The following MORC4 variants were observed in gnomAD, a reference collection of about 807,000 sequenced individuals.
MORC4 encodes MORC family CW-type zinc finger protein 4.
A neutral mutation model predicts 65.5 loss-of-function variants in MORC4; 22 were observed. The observed-to-expected ratio is 0.34, with a 90% confidence interval of 0.24 to 0.48. The LOEUF (loss-of-function observed/expected upper bound fraction) is 0.48. Among genes scored for constraint, MORC4 ranks in the 20% least tolerant of loss-of-function variants. The probability of loss-of-function intolerance (pLI) is 0.99; values close to 1 mark genes in which losing one functional copy is unlikely to be tolerated. For missense variants in MORC4, 624 were observed against 703.0 expected (o/e 0.89, Z 1.27); for synonymous variants, 267 against 255.8 (o/e 1.04, Z -0.42).
At chrX:106,999,559 G>C in intron 2 of MORC4, 118 bp downstream of exon 2, 1 of 616,247 alleles carries the variant, frequency 1.6e-6, no homozygotes. Context: ...CGGTTCCGAG[G>C]CCCCCACCCC....
At chrX:106,972,446 C>T (rs186096352) in intron 9 of MORC4, among the ~76,000 whole-genome samples, 10 of 110,839 alleles carry the variant, frequency 9.0e-5, no homozygotes, top group African/African-American at 3.3e-4. Flanking sequence ...GCACATGTAA[C>T]CCAGAATTTA....
At chrX:106,987,860 C>G (rs1934903026) in intron 3 of MORC4, among the ~76,000 whole-genome samples, 1 of 11,697 alleles carries the variant, frequency 8.5e-5, no homozygotes, top group Non-Finnish European at 1.5e-4. Flanking sequence ...GGCAGCAGTC[C>G]TTTGGGAAAA....
chrX:106,993,720 T>A (rs1319804231), intron 2 of MORC4, among the ~76,000 whole-genome samples: 2 of 112,567 alleles, frequency 1.8e-5, no homozygotes, highest in Non-Finnish European at 3.8e-5. Context: ...CTTTACTGTT[T>A]GTATACACAT....
In MORC4 at chrX:106,943,010, T is replaced by C. The variant is rs771494913; in HGVS notation, c.1881A>G (p.Pro627=). Reference sequence around the variant, plus strand: ...TATTCTTGCTTGCTTCTGGGTATTCTGGGAAAAGGTATGGTGGTGTACTTC... The same window carrying C: ...TATTCTTGCTTGCTTCTGGGTATTCCGGGAAAAGGTATGGTGGTGTACTTC... ...SERSTPPYLF[P]EYPEASKNTG... Residue 627 remains proline, a synonymous_variant, in exon 15 of 17, where the codon CCA becomes CCG. Transcript: ENST00000355610. 1.7e-6 allele frequency: 2 copies of C among 1,211,466 alleles called. No individual in the cohort carries two copies. The highest frequency in any genetic ancestry group is 5.9e-5 in the East Asian group (2 of 33,820).
chrX:106,975,483 T>C, intron 9 of MORC4, among the ~76,000 whole-genome samples: 1 of 111,587 alleles, frequency 9.0e-6, no homozygotes. Flanking sequence ...CAAATAGTTA[T>C]CTCTCTCAAA....
intron 9 of MORC4, among the ~76,000 whole-genome samples, chrX:106,967,997 C>T (rs768979084): frequency 1.8e-5 from 2 of 111,034 alleles, no homozygotes; most frequent in East Asian, 5.7e-4. Context: ...GAAGAGCAAC[C>T]CCAAGACACA....
intron 7 of MORC4, among the ~76,000 whole-genome samples, chrX:106,980,624 T>TA (rs1012301046): frequency 9.0e-5 from 10 of 111,137 alleles, no homozygotes; most frequent in Admixed American, 1.9e-4. Context: ...TTATTTTTTT[T>TA]AAAAAAGGTT....
intron 2 of MORC4, among the ~76,000 whole-genome samples, chrX:106,993,977 T>C (rs761299345): frequency 3.9e-4 from 44 of 112,281 alleles, no homozygotes; most frequent in Non-Finnish European, 8.3e-4. Context: ...CAAGCATACT[T>C]AGAGGGAGTG....
chrX:106,949,065 A>G (rs1469954145), intron 14 of MORC4, among the ~76,000 whole-genome samples: 1 of 111,373 alleles, frequency 9.0e-6, no homozygotes, highest in Non-Finnish European at 1.9e-5. Context: ...GGCGTTCCAC[A>G]TTTCTCTGAA....
intron 15 of MORC4, 33 bp from the exon 16 acceptor site, chrX:106,942,254 C>T (rs1415300137): frequency 1.7e-6 from 2 of 1,174,590 alleles, no homozygotes; most frequent in Non-Finnish European, 2.3e-6. Context: ...TCAATGACCC[C>T]ACAAAAGAGC....
At chrX:106,998,636 C>T (rs1351992843) in intron 2 of MORC4, among the ~76,000 whole-genome samples, 2 of 112,657 alleles carry the variant, frequency 1.8e-5, no homozygotes, top group Non-Finnish European at 1.9e-5. Flanking sequence ...GATACAGTCC[C>T]TCTGCTCTAG....
chrX:106,954,601 T>C (rs6622125), intron 14 of MORC4, among the ~76,000 whole-genome samples: 2 of 112,462 alleles, frequency 1.8e-5, no homozygotes, highest in East Asian at 5.6e-4. Flanking sequence ...ATTTGTGTAG[T>C]ATTTTACACT....
intron 9 of MORC4, among the ~76,000 whole-genome samples, chrX:106,974,884 G>T (rs1248567111): frequency 9.0e-6 from 1 of 111,716 alleles, no homozygotes; most frequent in Non-Finnish European, 1.9e-5. Context: ...AATGGTGCCA[G>T]AATTGGCATG....
At chrX:106,981,970 A>G (rs1934753638) in intron 5 of MORC4, among the ~76,000 whole-genome samples, 1 of 112,178 alleles carries the variant, frequency 8.9e-6, no homozygotes, top group African/African-American at 3.2e-5. Flanking sequence ...AGCAGCATAT[A>G]TTTAACTAGT....
chrX:106,993,161 G>C, intron 3 of MORC4, 69 bp downstream of exon 3: 1 of 1,056,317 alleles, frequency 9.5e-7, no homozygotes, highest in Middle Eastern at 2.8e-4. Context: ...AAATATTAAT[G>C]AAAATTATGA....
chrX:106,997,917 A>T, intron 2 of MORC4, among the ~76,000 whole-genome samples: 1 of 110,127 alleles, frequency 9.1e-6, no homozygotes, highest in South Asian at 3.9e-4. Flanking sequence ...CTTCCTCTGA[A>T]CTCCCACAGC....
At chrX:106,977,657 T>C (rs1442411194) in intron 8 of MORC4, among the ~76,000 whole-genome samples, 2 of 111,521 alleles carry the variant, frequency 1.8e-5, no homozygotes, top group African/African-American at 3.2e-5. Flanking sequence ...AATTAAACAA[T>C]TTATCCAAGG....
chrX:106,947,571 T>TATTATA (rs1555982139), intron 14 of MORC4, among the ~76,000 whole-genome samples: 2 of 77,945 alleles, frequency 2.6e-5, no homozygotes, highest in East Asian at 4.3e-4. Context: ...TATATATATA[T>TATTATA]TATATATATA....
intron 3 of MORC4, among the ~76,000 whole-genome samples, chrX:106,987,647 T>C (rs759665209): frequency 1.8e-5 from 2 of 111,710 alleles, no homozygotes; most frequent in Admixed American, 1.9e-4. Context: ...TTTACTCTTT[T>C]GAGCATGGAG....
Sources: allele counts gnomAD v4.1 joint callset (sites outside exome capture counted in the v4.1 genomes callset), GRCh38; gene constraint gnomAD v4.1.1; transcripts MANE v1.5; gene names NCBI Gene and HGNC (gene_info 2026-07-23, HGNC 2026-07-21).